Variants in ATP10A observed in about 807,000 individuals in gnomAD.
The protein encoded by ATP10A is phospholipid-transporting ATPase VA.
A neutral mutation model predicts 147.8 loss-of-function variants in ATP10A; 111 were observed. The ratio of observed to expected loss-of-function variants is 0.75; its 90% confidence interval spans 0.64 to 0.88. The LOEUF (loss-of-function observed/expected upper bound fraction) is 0.88. Among genes scored for constraint, ATP10A ranks in the 40% least tolerant of loss-of-function variants. The pLI is 0.00. For missense variants in ATP10A, 1,927 were observed against 1,959.0 expected (o/e 0.98, Z 0.31); for synonymous variants, 875 against 841.6 (o/e 1.04, Z -0.69).
intron 12 of ATP10A, among the ~76,000 whole-genome samples, chr15:25,707,514 G>A (rs1037079580): frequency 2.0e-5 from 3 of 152,152 alleles, no homozygotes; most frequent in Non-Finnish European, 4.4e-5. Flanking sequence ...CATTTATTAA[G>A]TACCAAGATG....
chr15:25,708,251 A>G lies in ATP10A; in HGVS notation c.2394T>C (p.Asn798=). 6.2e-7 allele frequency: 1 copy of G among 1,614,190 alleles called. No individual in the cohort carries two copies. The highest frequency in any genetic ancestry group is 8.5e-7 in the Non-Finnish European group (1 of 1,180,034). The change falls in exon 11 of 21, where the codon AAT becomes AAC. Residue 798 remains asparagine (N), a synonymous_variant. Coordinates refer to ENST00000555815, the MANE Select transcript of ATP10A (RefSeq NM_024490.4). ...CTTCCGCCGCATACACGTTGAGGTA[A>G]TTCTGAGTTTTGCTCCGAATCTTTT... ...HQKKIRSKTQ[N]YLNVYAAEGL... is the part of the protein sequence containing the mutation.
At chr15:25,841,079 C>T (rs1056200633) in intron 1 of ATP10A, among the ~76,000 whole-genome samples, 1 of 152,090 alleles carries the variant, frequency 6.6e-6, no homozygotes, top group Non-Finnish European at 1.5e-5. Flanking sequence ...TATTCTCTCT[C>T]GTCTGGAATT....
chr15:25,736,684 T>G (rs561283122), intron 2 of ATP10A, among the ~76,000 whole-genome samples: 1 of 151,658 alleles, frequency 6.6e-6, no homozygotes, highest in Non-Finnish European at 1.5e-5. Flanking sequence ...ACCACAAAAA[T>G]GTCTTTAGAA....
chr15:25,795,776 G>A (rs1294661080), intron 1 of ATP10A, among the ~76,000 whole-genome samples: 1 of 152,194 alleles, frequency 6.6e-6, no homozygotes, highest in East Asian at 1.9e-4. Flanking sequence ...GCTGAAGACC[G>A]ATCCCCAGCG....
chr15:25,740,248 A>AT (rs201583564), intron 2 of ATP10A, among the ~76,000 whole-genome samples: 2 of 152,126 alleles, frequency 1.3e-5, no homozygotes, highest in Non-Finnish European at 2.9e-5. Context: ...GGATACTGTT[A>AT]TTTTTTTTCT....
At chr15:25,810,526 T>G (rs1891383173) in intron 1 of ATP10A, among the ~76,000 whole-genome samples, 2 of 152,138 alleles carry the variant, frequency 1.3e-5, no homozygotes, top group Admixed American at 6.5e-5. Flanking sequence ...CGGGGACTGT[T>G]TTGCAAAAGT....
chr15:25,672,465 T>C (rs1899063809), downstream of ATP10A, among the ~76,000 whole-genome samples: 1 of 152,240 alleles, frequency 6.6e-6, no homozygotes, highest in Admixed American at 6.5e-5. Flanking sequence ...TAAATATCTG[T>C]GTGAGTCCCT....
intron 14 of ATP10A, among the ~76,000 whole-genome samples, chr15:25,693,141 C>A (rs771951303): frequency 1.3e-5 from 2 of 152,124 alleles, no homozygotes; most frequent in African/African-American, 4.8e-5. Flanking sequence ...CCCACCTCAG[C>A]CTCTCAAGTA....
intron 1 of ATP10A, among the ~76,000 whole-genome samples, chr15:25,845,322 T>TTGTGTG (rs746244130): frequency 0.01 from 1,419 of 141,692 alleles, 7 homozygotes; most frequent in African/African-American, 0.014. Flanking sequence ...GTTTGTGTGT[T>TTGTGTG]TGTGTGTGTG....
At chr15:25,695,387 G>A (rs1460732538) in intron 13 of ATP10A, among the ~76,000 whole-genome samples, 1 of 152,156 alleles carries the variant, frequency 6.6e-6, no homozygotes, top group Non-Finnish European at 1.5e-5. Context: ...CCAGCACTTT[G>A]GGAGGCCGAG....
intron 10 of ATP10A, among the ~76,000 whole-genome samples, chr15:25,712,124 T>C (rs1901462635): frequency 6.6e-6 from 1 of 152,190 alleles, no homozygotes; most frequent in South Asian, 2.1e-4. Flanking sequence ...TGACGCTAAA[T>C]TCATTCAATT....
At chr15:25,711,553 T>G (rs1265289281) in intron 10 of ATP10A, among the ~76,000 whole-genome samples, 1 of 152,152 alleles carries the variant, frequency 6.6e-6, no homozygotes. Context: ...TGCCCAGTGT[T>G]GACACGTAGA....
Position 25,726,062 on chromosome 15 carries a change from G to T in ATP10A, c.868C>A (p.Leu290Met). ...IYAGHETKAL[L>M]NNSGPRYKRS... ...TTGTAGCGGGGCCCACTGTTGTTCAGCAGAGCCTTGGTTTCATGTCCTGTC... is the reference window on the plus strand; with the variant it reads ...TTGTAGCGGGGCCCACTGTTGTTCATCAGAGCCTTGGTTTCATGTCCTGTC... The change falls in exon 5 of 21, where the codon CTG becomes ATG. Residue 290 changes from leucine (L) to methionine (M), a missense_variant. Transcript: ENST00000555815. 2 of 1,613,990 alleles carry T rather than the reference G, an allele frequency of 1.2e-6. No individual in the cohort carries two copies. The highest frequency in any genetic ancestry group is 1.7e-6 in the Non-Finnish European group (2 of 1,179,936).
chr15:25,846,029 G>A (rs750558751), intron 1 of ATP10A, among the ~76,000 whole-genome samples: 1 of 152,158 alleles, frequency 6.6e-6, no homozygotes, highest in Non-Finnish European at 1.5e-5. Flanking sequence ...TTGAGGACAC[G>A]ATGCTGAGTG....
intron 1 of ATP10A, among the ~76,000 whole-genome samples, chr15:25,810,367 C>T (rs192658490): frequency 1.1e-4 from 16 of 152,338 alleles, no homozygotes; most frequent in African/African-American, 3.6e-4. Context: ...GGTACCTGCA[C>T]CGCTCAGCTG....
Position 25,716,873 on chromosome 15 carries a change from C to A in ATP10A, c.1633G>T (p.Asp545Tyr), listed in dbSNP as rs1248908809. The change falls in exon 9 of 21, where the codon GAC becomes TAC. Residue 545 changes from aspartate (D) to tyrosine (Y), a missense_variant. Physicochemically the swap from Asp to Tyr is radical, Grantham distance 160. Transcript: ENST00000555815. ...TGCCTCGCCACGGCTAGGCTCTTGT[C>A]ACACTCACTCACCTTCTCCAGCAGC... The part of the protein sequence containing the change: ...PKLLEKVSEC[D>Y]KSLAVARHQE... The A allele has an allele frequency of 6.2e-7, 1 of 1,605,548 alleles. No homozygotes were observed. The highest frequency in any genetic ancestry group is 1.7e-5 in the Admixed American group (1 of 58,884).
chr15:25,682,653 C>T (rs1036657481), intron 17 of ATP10A, among the ~76,000 whole-genome samples: 5 of 152,224 alleles, frequency 3.3e-5, no homozygotes, highest in East Asian at 3.9e-4. Flanking sequence ...CCTGGCACCC[C>T]GTGCATGCGG....
intron 3 of ATP10A, among the ~76,000 whole-genome samples, chr15:25,730,926 A>C (rs560346613): frequency 3.3e-4 from 51 of 152,338 alleles, no homozygotes; most frequent in Middle Eastern, 3.4e-3. Context: ...AAATTAAAAC[A>C]TTCCAGTTTT....
intron 13 of ATP10A, among the ~76,000 whole-genome samples, chr15:25,697,189 C>T (rs1900386434): frequency 6.6e-6 from 1 of 152,344 alleles, no homozygotes; most frequent in East Asian, 1.9e-4. Context: ...AACAGACTGC[C>T]ACCCAAGTTC....
Sources: allele counts gnomAD v4.1 joint callset (sites outside exome capture counted in the v4.1 genomes callset), GRCh38; gene constraint gnomAD v4.1.1; transcripts MANE v1.5; gene names NCBI Gene and HGNC (gene_info 2026-07-23, HGNC 2026-07-21).